The following GPHN variants were observed in gnomAD, a reference collection of about 807,000 sequenced individuals.
GPHN encodes gephyrin.
GPHN carries 17 observed loss-of-function variants against 95.5 expected under a neutral mutation model. The observed-to-expected ratio is 0.18, with a 90% CI of 0.12 to 0.27. GPHN has a LOEUF of 0.27. GPHN is among the 10% of genes least tolerant of loss of function. The probability of loss-of-function intolerance (pLI) is 1.00; values close to 1 mark genes in which losing one functional copy is unlikely to be tolerated. For missense variants in GPHN, 660 were observed against 978.1 expected (o/e 0.67, Z 4.34); for synonymous variants, 320 against 322.5 (o/e 0.99, Z 0.08).
chr14:66,808,098 A>C (rs1374829044), intron 3 of GPHN, among the ~76,000 whole-genome samples: 1 of 152,226 alleles, frequency 6.6e-6, no homozygotes, highest in African/African-American at 2.4e-5. Context: ...TAGTGACAGC[A>C]AAATATGTTT....
the GPHN span, chr14:67,656,726 A>G: frequency 1.0e-6 from 1 of 971,754 alleles, no homozygotes. Flanking sequence ...AGAACCAAAG[A>G]AGCTAATGAT....
chr14:66,751,162 C>T (rs761054866), intron 2 of GPHN, among the ~76,000 whole-genome samples: 7 of 151,954 alleles, frequency 4.6e-5, no homozygotes, highest in African/African-American at 7.3e-5. Context: ...CCTACACATT[C>T]ACGTGTCTTT....
chr14:67,416,921 G>A, the GPHN span, among the ~76,000 whole-genome samples: 1 of 152,252 alleles, frequency 6.6e-6, no homozygotes, highest in Admixed American at 6.5e-5. Context: ...GTCCTACTGT[G>A]CATGACCAGA....
At chr14:66,965,123 G>A (rs2069231693) in intron 8 of GPHN, 68 bp from the exon 9 acceptor site, 3 of 1,325,458 alleles carry the variant, frequency 2.3e-6, no homozygotes, top group Non-Finnish European at 3.3e-6. Flanking sequence ...CTAAAACAAA[G>A]GGGGTCTTGA....
chr14:66,879,386 A>T (rs1053236393), intron 4 of GPHN, among the ~76,000 whole-genome samples: 7 of 152,004 alleles, frequency 4.6e-5, no homozygotes, highest in Non-Finnish European at 8.8e-5. Context: ...TCTGAAAAAA[A>T]AAAGACAGTT....
rs542923862 is a variant in GPHN, at chr14:67,045,707, GTCTC to G, written c.1007-12932_1007-12929del. ...GGTCTCAGTGTCTCTCTCTGTCTCT[GTCTC>G]TCTCTCTCTGTCTGTCTCTCTCTCT... On this transcript the variant is annotated intron_variant, in intron 10 of 22. Coordinates refer to ENST00000478722, the MANE Select transcript of GPHN (RefSeq NM_020806.5). Among the ~76,000 whole-genome samples the G allele has an allele frequency of 7.4e-3, 1,056 of 143,594 alleles. 9 individuals carry two copies. The highest frequency in any genetic ancestry group is 0.011 in the South Asian group (47 of 4,398). The allele number at this position is 143,594 out of a possible 152,430, so 94.2% of individuals were successfully genotyped here. A position where few individuals can be genotyped will look rare whatever the true frequency, so the allele number is the denominator to read the frequency against.
the GPHN span, among the ~76,000 whole-genome samples, chr14:67,456,325 CACG>C: frequency 6.6e-6 from 1 of 152,180 alleles, no homozygotes; most frequent in East Asian, 1.9e-4. Context: ...TAAGGCCAGG[CACG>C]GTGGCTCACG....
rs772320358 is a variant in GPHN, at chr14:66,996,160, C to T, written c.964-27473C>T. The T allele has an allele frequency of 5.3e-6, 8 of 1,523,770 alleles. 1 individual carries two copies. The South Asian group carries it at 8.4e-5, about 16-fold the overall frequency. 94.4% of individuals were successfully genotyped at this position (1,523,770 alleles called of 1,614,324 possible). ...TTCCTCTTTAACAGTGTTTTCTTTTCCCCACTGCAAAACCAGGCTCGGCTT... is the reference window on the plus strand; with the variant it reads ...TTCCTCTTTAACAGTGTTTTCTTTTTCCCACTGCAAAACCAGGCTCGGCTT... On this transcript the variant is annotated intron_variant, in intron 9 of 22. Transcript: ENST00000478722.
the GPHN span, among the ~76,000 whole-genome samples, chr14:67,475,083 T>C: frequency 1.3e-5 from 2 of 152,078 alleles, no homozygotes; most frequent in Non-Finnish European, 2.9e-5. Flanking sequence ...GCCCGGCTAA[T>C]TTTTGAATTT....
the GPHN span, among the ~76,000 whole-genome samples, chr14:67,191,254 T>C: frequency 1.3e-5 from 2 of 152,208 alleles, no homozygotes; most frequent in Non-Finnish European, 2.9e-5. Flanking sequence ...AGCCATCATG[T>C]AATTACAGAC....
chr14:67,707,115 G>A, the GPHN span, among the ~76,000 whole-genome samples: 1 of 152,140 alleles, frequency 6.6e-6, no homozygotes, highest in Non-Finnish European at 1.5e-5. Context: ...GCTTCAGTTT[G>A]CAGAGCTTTA....
chr14:67,648,155 G>GTA, the GPHN span: 13 of 1,614,020 alleles, frequency 8.1e-6, no homozygotes. Context: ...GAGAAGGCAT[G>GTA]TATATTGCTG....
At chr14:67,238,133 AC>A in the GPHN span, among the ~76,000 whole-genome samples, 1 of 152,064 alleles carries the variant, frequency 6.6e-6, no homozygotes, top group South Asian at 2.1e-4. Flanking sequence ...CAGTTTCTAT[AC>A]CTTTCACTCT....
the GPHN span, chr14:67,722,529 G>C: frequency 2.3e-6 from 2 of 857,880 alleles, no homozygotes; most frequent in Non-Finnish European, 4.1e-6. Context: ...ACGGAGAGGA[G>C]CAGAGAAGCA....
intron 11 of GPHN, among the ~76,000 whole-genome samples, chr14:67,066,623 G>C (rs779593968): frequency 6.6e-6 from 1 of 151,920 alleles, no homozygotes; most frequent in Admixed American, 6.6e-5. Flanking sequence ...GGCTTTGTTC[G>C]TTTCTTTTTA....
chr14:67,690,104 G>A, the GPHN span: 1 of 893,534 alleles, frequency 1.1e-6, no homozygotes, highest in East Asian at 2.5e-5. Flanking sequence ...TATAGCCACG[G>A]AAGCAGGTCC....
chr14:67,332,523 C>T, the GPHN span, among the ~76,000 whole-genome samples: 1 of 152,024 alleles, frequency 6.6e-6, no homozygotes, highest in Non-Finnish European at 1.5e-5. Flanking sequence ...TGAGATAAGA[C>T]AAAATATGTG....
At chr14:67,089,155 T>TTTG (rs2077047648) in intron 12 of GPHN, 80 bp downstream of exon 12, 1 of 498,932 alleles carries the variant, frequency 2.0e-6, no homozygotes. Flanking sequence ...TTTTTTTTTT[T>TTTG]TTTCAAATTT....
chr14:67,390,029 A>G, the GPHN span, among the ~76,000 whole-genome samples: 1 of 152,340 alleles, frequency 6.6e-6, no homozygotes, highest in South Asian at 2.1e-4. Context: ...CACTGTTTCA[A>G]CAAAAACTAA....
Sources: allele counts gnomAD v4.1 joint callset (sites outside exome capture counted in the v4.1 genomes callset), GRCh38; gene constraint gnomAD v4.1.1; transcripts MANE v1.5; gene names NCBI Gene and HGNC (gene_info 2026-07-23, HGNC 2026-07-21).